Variants in COL6A3 observed in about 807,000 individuals in gnomAD.
COL6A3 encodes the protein collagen alpha-3(VI) chain.
COL6A3 carries 137 observed loss-of-function variants against 274.1 expected under a neutral mutation model. The observed-to-expected ratio is 0.50, with a 90% CI of 0.44 to 0.58. COL6A3 has a LOEUF of 0.58. Ranked by LOEUF, COL6A3 falls within the 20% of genes least tolerant of loss-of-function variation. The pLI is 0.00. For synonymous variants in COL6A3, 1,650 were observed against 1,650.6 expected (o/e 1.00, Z 0.01); for missense variants, 3,950 against 4,124.9 (o/e 0.96, Z 1.16).
At position 237,347,811 on chromosome 2, in the gene COL6A3, C is replaced by T. The variant is rs369317566; in HGVS notation, c.7025G>A (p.Arg2342Gln). 2.5e-5 allele frequency: 41 copies of T among 1,610,028 alleles called. No homozygotes were observed. In the African/African-American group the frequency reaches 3.1e-4, roughly 12 times the overall value. Residue 2342 changes from arginine (R) to glutamine (Q), a missense_variant, in exon 31 of 44, where the codon CGA becomes CAA. Physicochemically the swap from Arg to Gln is conservative, Grantham distance 43. Transcript: ENST00000295550. Reference protein sequence around the residue: ...GTTGPKGIRGRRGNSGPPGIV... With the variant: ...GTTGPKGIRGQRGNSGPPGIV... ...CCAAGGCCCACGCAAACTTACCCTT[C>T]GGCCTCTGATGCCTTTGGGTCCTGT...
At chr2:237,383,840 C>T (rs1187231361) in intron 4 of COL6A3, among the ~76,000 whole-genome samples, 4 of 152,038 alleles carry the variant, frequency 2.6e-5, no homozygotes, top group Admixed American at 2.0e-4. Flanking sequence ...GATGAGCCAG[C>T]GGGAAGGAAT....
Position 237,340,580 on chromosome 2 carries a change from T to G in COL6A3, c.8336A>C (p.Asn2779Thr). 1 of 1,614,212 alleles carries G rather than the reference T, an allele frequency of 6.2e-7. No homozygotes were observed. The highest frequency in any genetic ancestry group is 8.5e-7 in the Non-Finnish European group (1 of 1,180,036). Residue 2779 changes from asparagine (N) to threonine (T), a missense_variant, in exon 38 of 44, where the codon AAC (asparagine) becomes ACC (threonine). By Grantham distance (65) the Asn-to-Thr change is moderately conservative. This residue lies in a region of COL6A3 where 1,284 missense variants were observed against 1,349.7 expected (regional missense o/e 0.95). Transcript: ENST00000295550. Reference protein sequence around the residue: ...FVVLGIGRKVNIKEVYTFASE... With the variant: ...FVVLGIGRKVTIKEVYTFASE... ...GGCGAAGGTGTATACCTCCTTGATG[T>G]TCACCTTCCTGCCAATGCCCAGGAC... is the stretch of plus-strand genomic sequence containing the variant.
chr2:237,353,117 G>A (rs1480160090), intron 25 of COL6A3, among the ~76,000 whole-genome samples: 1 of 152,190 alleles, frequency 6.6e-6, no homozygotes, highest in African/African-American at 2.4e-5. Context: ...GGGACTCGGG[G>A]TGGAGGGTGA....
chr2:237,340,657 C>T lies in COL6A3; in HGVS notation c.8259G>A (p.Glu2753=). ...CCTGCAGGATGACTCTCTGGGCCTC[C>T]TCCAGCTGCTGCTCCGGCACCTCGC... ...LTGEVPEQQL[E]EAQRVILQAK... The change falls in exon 38 of 44, where the codon GAG becomes GAA. Residue 2753 remains glutamate (E), a synonymous_variant. Coordinates refer to ENST00000295550, the MANE Select transcript of COL6A3 (RefSeq NM_004369.4). The T allele has an allele frequency of 6.2e-7, 1 of 1,614,244 alleles. No individual in the cohort carries two copies. The highest frequency in any genetic ancestry group is 8.5e-7 in the Non-Finnish European group (1 of 1,180,036).
Position 237,374,955 on chromosome 2 carries a change from G to T in COL6A3, c.3136C>A (p.Leu1046Met), listed in dbSNP as rs749426397. 6.2e-7 allele frequency: 1 copy of T among 1,613,968 alleles called. No homozygotes were observed. The highest frequency in any genetic ancestry group is 1.1e-5 in the South Asian group (1 of 91,070). Residue 1046 changes from leucine to methionine, a missense_variant, in exon 8 of 44, where the codon CTG becomes ATG. Around this residue, in one of 5 missense-constraint regions of COL6A3, gnomAD observed 1,934 missense variants for 1,984.3 expected, o/e 0.97. Coordinates refer to ENST00000295550, the MANE Select transcript of COL6A3 (RefSeq NM_004369.4). The surrounding 1 kb of genome is among the most constrained non-coding windows in gnomAD (Gnocchi z 4.8). ...ACTCTCTGGACAAACTCTTTCAACA[G>T]AGGGAAGCCGCTCCTGACGCCCTCA... is the stretch of plus-strand genomic sequence containing the variant. The part of the protein sequence containing the change: ...GSEGVRSGFP[L>M]LKEFVQRVVE...
In COL6A3 at chr2:237,332,134, A is replaced by G. The variant is rs1700295032; in HGVS notation, c.9328+1316T>C. 1.8e-5 allele frequency among the ~76,000 whole-genome samples: 2 copies of G among 108,758 alleles called. 1 individual carries two copies. The highest frequency in any genetic ancestry group is 7.1e-4 in the South Asian group (2 of 2,822). The allele number at this position is 108,758 out of a possible 152,430, so 71.3% of individuals were successfully genotyped here. A position where few individuals can be genotyped will look rare whatever the true frequency, so the allele number is the denominator to read the frequency against. On this transcript the variant is annotated intron_variant, in intron 42 of 43. Transcript: ENST00000295550. ...ATATATATATGAAAAGAAAAACAAA[A>G]CAGCCCAGCCAGACCCTTGCTGAAA...
intron 5 of COL6A3, 152 bp downstream of exon 5, chr2:237,380,763 A>G: frequency 1.3e-6 from 1 of 779,592 alleles, no homozygotes; most frequent in Non-Finnish European, 2.2e-6. Context: ...AACCCAGTGC[A>G]AAAGGAAACC....
intron 32 of COL6A3, 111 bp from the exon 33 acceptor site, chr2:237,345,324 C>T: frequency 4.0e-6 from 4 of 1,007,126 alleles, no homozygotes; most frequent in Non-Finnish European, 6.3e-6. Context: ...CCTGGATAAC[C>T]TTGATTGTTT....
rs761306875 is a variant in COL6A3, at chr2:237,376,854, T to C, written c.2988A>G (p.Ala996=). Residue 996 remains alanine, a synonymous_variant, in exon 7 of 44, where the codon GCA becomes GCG. Transcript: ENST00000295550. ...GATCTCCAATCTTGGGAAGCGACTCTGCAGCCAGGATAAACGCTGGAGACA... is the reference window on the plus strand; with the variant it reads ...GATCTCCAATCTTGGGAAGCGACTCCGCAGCCAGGATAAACGCTGGAGACA... The part of the protein sequence containing the change: ...IVLSPAFILA[A]ESLPKIGDLH... 6.2e-7 allele frequency: 1 copy of C among 1,614,242 alleles called. No homozygotes were observed. The highest frequency in any genetic ancestry group is 1.1e-5 in the South Asian group (1 of 91,090).
At chr2:237,331,208 G>A (rs1700207198) in intron 42 of COL6A3, among the ~76,000 whole-genome samples, 1 of 152,152 alleles carries the variant, frequency 6.6e-6, no homozygotes, top group Admixed American at 6.5e-5. Flanking sequence ...ATTGGAATTT[G>A]GATGCAAAAT....
At chr2:237,352,464 G>A in intron 26 of COL6A3, 58 bp downstream of exon 26, 1 of 1,512,562 alleles carries the variant, frequency 6.6e-7, no homozygotes, top group Non-Finnish European at 9.1e-7. Context: ...CTCTCAGCCT[G>A]CTTGGCAATG....
intron 29 of COL6A3, 72 bp downstream of exon 29, chr2:237,348,541 C>T: frequency 6.7e-7 from 1 of 1,486,974 alleles, no homozygotes; most frequent in East Asian, 2.3e-5. Context: ...TTTTAAAACA[C>T]AACACATCAG....
At chr2:237,403,229 G>A (rs1049819154) in intron 1 of COL6A3, among the ~76,000 whole-genome samples, 7 of 152,118 alleles carry the variant, frequency 4.6e-5, no homozygotes, top group South Asian at 2.1e-4. Flanking sequence ...CAAATCTTGC[G>A]GCCCAGCTAT....
Position 237,377,138 on chromosome 2 carries a change from G to A in COL6A3, c.2704C>T (p.Leu902Phe). 1 of 1,614,204 alleles carries A rather than the reference G, an allele frequency of 6.2e-7. No individual in the cohort carries two copies. Residue 902 changes from leucine (L) to phenylalanine (F), a missense_variant, in exon 7 of 44, where the codon CTT becomes TTT. Around this residue, in one of 5 missense-constraint regions of COL6A3, gnomAD observed 1,934 missense variants for 1,984.3 expected, o/e 0.97. Coordinates refer to ENST00000295550, the MANE Select transcript of COL6A3 (RefSeq NM_004369.4). ...EHQSKPEILN[L>F]VKRMKIKTGK... The stretch of plus-strand genomic sequence containing the variant: ...GTCTTGATCTTCATTCTCTTCACAA[G>A]ATTCAGGATCTCAGGCTTACTCTGG...
chr2:237,350,991 C>T (rs191392977), intron 27 of COL6A3, 139 bp downstream of exon 27: 8 of 793,076 alleles, frequency 1.0e-5, no homozygotes, highest in East Asian at 5.1e-5. Flanking sequence ...CTGGCCAAGC[C>T]GCGATCAACA....
chr2:237,401,690 A>AT lies in COL6A3; in HGVS notation c.-30-4844dup, dbSNP rs60843699. Among the ~76,000 whole-genome samples the AT allele has an allele frequency of 2.0e-3, 291 of 148,278 alleles. 7 individuals are homozygous for AT. The East Asian group carries it at 0.04, about 20-fold the overall frequency. On this transcript the variant is annotated intron_variant, in intron 1 of 43. Transcript: ENST00000295550. ...CTGTTATTACACCACTTATACTGTA[A>AT]TTTTTTTTTTTTGAGACAGGGTCTC...
At position 237,334,704 on chromosome 2, in the gene COL6A3, C is replaced by G. The variant is rs1293432609; in HGVS notation, c.9151G>C (p.Gly3051Arg). 5 of 1,614,000 alleles carry G rather than the reference C, an allele frequency of 3.1e-6. No individual in the cohort carries two copies. The highest frequency in any genetic ancestry group is 4.2e-6 in the Non-Finnish European group (5 of 1,180,030). The change falls in exon 41 of 44, where the codon GGG becomes CGG. Residue 3051 changes from glycine to arginine, a missense_variant. Around this residue, in one of 5 missense-constraint regions of COL6A3, gnomAD observed 1,284 missense variants for 1,349.7 expected, o/e 0.95. Coordinates refer to ENST00000295550, the MANE Select transcript of COL6A3 (RefSeq NM_004369.4). ...ACCACAGCCACATGGTATGTCTGCCCAGCGAGCAGGCCTCCAATGACGCGG... is the reference window on the plus strand; with the variant it reads ...ACCACAGCCACATGGTATGTCTGCCGAGCGAGCAGGCCTCCAATGACGCGG... ...TDRVIGGLLA[G>R]QTYHVAVVCY...
At chr2:237,390,568 T>C (rs2078262716) in intron 3 of COL6A3, among the ~76,000 whole-genome samples, 1 of 152,232 alleles carries the variant, frequency 6.6e-6, no homozygotes, top group Non-Finnish European at 1.5e-5. Flanking sequence ...GCTTCTATGC[T>C]TTATGTATCA....
At chr2:237,365,567 G>A (rs2077531405) in intron 12 of COL6A3, 131 bp downstream of exon 12, 3 of 834,968 alleles carry the variant, frequency 3.6e-6, no homozygotes, top group Admixed American at 3.8e-5. Flanking sequence ...AATAACTAAG[G>A]GATTTTCCAT....
Sources: gnomAD v4.1 joint callset for allele counts (sites outside exome capture counted in the v4.1 genomes callset) on GRCh38, gnomAD v4.1.1 for gene constraint, gnomAD v4.1.1 regional missense constraint, Gnocchi (gnomAD v3.1) non-coding constraint, MANE v1.5 for transcripts, NCBI Gene and HGNC (gene_info 2026-07-23, HGNC 2026-07-21) for gene names.